DCAF8L2: variants seen among roughly 807,000 people sequenced by gnomAD.
The protein encoded by DCAF8L2 is DDB1 and CUL4 associated factor 8 like 2, also known as DDB1- and CUL4-associated factor 8-like protein 2.
For missense variants in DCAF8L2, 430 were observed against 490.7 expected (o/e 0.88, Z 1.17); for synonymous variants, 200 against 190.9 (o/e 1.05, Z -0.39).
the DCAF8L2 span, among the ~76,000 whole-genome samples, chrX:27,496,506 G>T: frequency 9.0e-6 from 1 of 111,379 alleles, no homozygotes; most frequent in Non-Finnish European, 1.9e-5. Flanking sequence ...GTCATATGTG[G>T]TCCTTTTTGG....
At chrX:27,719,954 G>A (rs1931835380) in intron 4 of DCAF8L2, among the ~76,000 whole-genome samples, 1 of 110,053 alleles carries the variant, frequency 9.1e-6, no homozygotes, top group Non-Finnish European at 1.9e-5. Flanking sequence ...TCCTGCTTAA[G>A]AAACTTTGTC....
chrX:27,499,563 C>G, the DCAF8L2 span, among the ~76,000 whole-genome samples: 1 of 111,822 alleles, frequency 8.9e-6, no homozygotes, highest in African/African-American at 3.3e-5. Flanking sequence ...ACTCACAGTT[C>G]TGCAGGCTGT....
At chrX:27,519,901 T>G in the DCAF8L2 span, 4 of 255,991 alleles carry the variant, frequency 1.6e-5, no homozygotes, top group African/African-American at 1.1e-4. Context: ...TATACTTTTT[T>G]TGAAATATTA....
intron 3 of DCAF8L2, among the ~76,000 whole-genome samples, chrX:27,705,669 T>G (rs1422853432): frequency 8.9e-6 from 1 of 111,888 alleles, no homozygotes; most frequent in Non-Finnish European, 1.9e-5. Flanking sequence ...TTAAGTCCCT[T>G]ATAGATGCTG....
At chrX:27,583,561 G>C in the DCAF8L2 span, among the ~76,000 whole-genome samples, 1 of 111,142 alleles carries the variant, frequency 9.0e-6, no homozygotes, top group Non-Finnish European at 1.9e-5. Context: ...CTAAGCCCCG[G>C]GCCATGGACT....
At chrX:27,604,411 T>C (rs1053356619) in intron 1 of DCAF8L2, among the ~76,000 whole-genome samples, 11 of 111,091 alleles carry the variant, frequency 9.9e-5, no homozygotes, top group Non-Finnish European at 1.7e-4. Context: ...TCTCATATCA[T>C]ATCACTCTTA....
intron 4 of DCAF8L2, among the ~76,000 whole-genome samples, chrX:27,737,277 C>T: frequency 9.0e-6 from 1 of 111,325 alleles, no homozygotes; most frequent in Non-Finnish European, 1.9e-5. Flanking sequence ...TGTGAGCTGG[C>T]CTTGTCTTGT....
chrX:27,499,844 G>GA, the DCAF8L2 span, among the ~76,000 whole-genome samples: 2 of 109,874 alleles, frequency 1.8e-5, no homozygotes, highest in South Asian at 7.8e-4. Flanking sequence ...GGTGGGGGGG[G>GA]GTACAGGGCC....
chrX:27,548,551 G>A, the DCAF8L2 span, among the ~76,000 whole-genome samples: 1 of 111,739 alleles, frequency 8.9e-6, no homozygotes, highest in Admixed American at 9.6e-5. Context: ...ATCAGGTCCT[G>A]GAGCAGAGCT....
chrX:27,735,581 G>A (rs1251416471), intron 4 of DCAF8L2, among the ~76,000 whole-genome samples: 2 of 112,153 alleles, frequency 1.8e-5, no homozygotes, highest in Non-Finnish European at 3.8e-5. Flanking sequence ...CTTTAACTAG[G>A]ACTTGCAAAG....
chrX:27,470,498 G>A, the DCAF8L2 span, among the ~76,000 whole-genome samples: 2 of 112,121 alleles, frequency 1.8e-5, no homozygotes, highest in African/African-American at 3.2e-5. Context: ...AGTTTGATCC[G>A]TTGATGCCGG....
chrX:27,595,479 T>C (rs1411269139), intron 1 of DCAF8L2, among the ~76,000 whole-genome samples: 1 of 112,005 alleles, frequency 8.9e-6, no homozygotes, highest in African/African-American at 3.2e-5. Context: ...ACTGCATTGC[T>C]ACAGATTTCT....
intron 3 of DCAF8L2, among the ~76,000 whole-genome samples, chrX:27,698,234 T>C (rs750205785): frequency 8.9e-6 from 1 of 111,823 alleles, no homozygotes; most frequent in East Asian, 2.8e-4. Flanking sequence ...TTGTTTTATT[T>C]ATATATGTTA....
the DCAF8L2 span, among the ~76,000 whole-genome samples, chrX:27,533,180 A>AGAGAG: frequency 2.8e-3 from 52 of 18,598 alleles, no homozygotes; most frequent in Non-Finnish European, 4.7e-3. Context: ...GAAAGAAAGA[A>AGAGAG]AGAAAGAAAG....
At chrX:27,495,867 A>G in the DCAF8L2 span, among the ~76,000 whole-genome samples, 1 of 111,827 alleles carries the variant, frequency 8.9e-6, no homozygotes, top group African/African-American at 3.2e-5. Context: ...TGTGGTTTTT[A>G]TTATTTCAAT....
the DCAF8L2 span, chrX:27,519,378 C>T: frequency 4.3e-6 from 5 of 1,153,022 alleles, no homozygotes; most frequent in South Asian, 5.4e-5. Flanking sequence ...AACAAGCTGC[C>T]GACCAGATGA....
intron 2 of DCAF8L2, among the ~76,000 whole-genome samples, chrX:27,643,852 C>A (rs1367542453): frequency 9.0e-6 from 1 of 111,321 alleles, no homozygotes; most frequent in South Asian, 3.8e-4. Context: ...GTGAAATAAC[C>A]AGGACATCTC....
At chrX:27,533,220 AAGAAAGAAAGAAAG>A in the DCAF8L2 span, among the ~76,000 whole-genome samples, 942 of 48,465 alleles carry the variant, frequency 0.019, 74 homozygotes, top group African/African-American at 0.03. Flanking sequence ...GAAAGAAAGA[AAGAAAGAAAGAAAG>A]AGAAAGAAAG....
chrX:27,530,214 G>A, the DCAF8L2 span, among the ~76,000 whole-genome samples: 1 of 110,610 alleles, frequency 9.0e-6, no homozygotes, highest in Admixed American at 9.7e-5. Context: ...CAATTGCTGG[G>A]AAGGACAATA....
Sources: gnomAD v4.1 joint callset for allele counts (sites outside exome capture counted in the v4.1 genomes callset) on GRCh38, gnomAD v4.1.1 for gene constraint, MANE v1.5 for transcripts, NCBI Gene and HGNC (gene_info 2026-07-23, HGNC 2026-07-21) for gene names.